The following AGBL1 variants were observed in gnomAD, a reference collection of about 807,000 sequenced individuals.
The protein encoded by AGBL1 is AGBL carboxypeptidase 1.
A neutral mutation model predicts 118.9 loss-of-function variants in AGBL1; 130 were observed. The ratio of observed to expected loss-of-function variants is 1.09; its 90% CI spans 0.95 to 1.26. AGBL1 has a LOEUF of 1.26. AGBL1 is among the 50% of genes most tolerant of loss of function. The pLI is 0.00. For missense variants in AGBL1, 1,584 were observed against 1,298.1 expected, an observed-to-expected ratio of 1.22 and a Z score of -3.38; for synonymous variants, 555 against 478.9, an observed-to-expected ratio of 1.16 and a Z score of -2.08.
At chr15:86,939,254 C>A (rs958629042) in intron 23 of AGBL1, among the ~76,000 whole-genome samples, 2 of 152,214 alleles carry the variant, frequency 1.3e-5, no homozygotes, top group Non-Finnish European at 2.9e-5. Flanking sequence ...GTCTAATCAG[C>A]TGCCAGCTCA....
At chr15:86,666,435 T>A (rs1432578604) in intron 21 of AGBL1, among the ~76,000 whole-genome samples, 1 of 152,226 alleles carries the variant, frequency 6.6e-6, no homozygotes, top group Non-Finnish European at 1.5e-5. Flanking sequence ...TTTCAGTTGA[T>A]GTCTTTAGTT....
chr15:86,803,522 A>T (rs1301704473), intron 22 of AGBL1, among the ~76,000 whole-genome samples: 1 of 152,168 alleles, frequency 6.6e-6, no homozygotes, highest in Non-Finnish European at 1.5e-5. Flanking sequence ...ATTAGTATTT[A>T]TCCTGCCTCG....
At chr15:86,553,241 G>T (rs1351323755) in intron 20 of AGBL1, among the ~76,000 whole-genome samples, 1 of 152,168 alleles carries the variant, frequency 6.6e-6, no homozygotes, top group Non-Finnish European at 1.5e-5. Context: ...TGTCATAAAA[G>T]TTCTGGGACT....
chr15:86,423,063 G>A (rs1357073625), intron 18 of AGBL1, among the ~76,000 whole-genome samples: 4 of 152,126 alleles, frequency 2.6e-5, no homozygotes, highest in South Asian at 2.1e-4. Context: ...TAGAAAAAGA[G>A]GGACTCCTCC....
intron 22 of AGBL1, among the ~76,000 whole-genome samples, chr15:86,881,647 T>G (rs1436124562): frequency 6.6e-6 from 1 of 152,146 alleles, no homozygotes; most frequent in Non-Finnish European, 1.5e-5. Context: ...ATTTATTTAT[T>G]TATTTAAGAT....
chr15:86,615,955 G>A lies in AGBL1; in HGVS notation c.2995-58318G>A, dbSNP rs955831061. Among the ~76,000 whole-genome samples, 1 of 152,142 alleles carries A rather than the reference G, an allele frequency of 6.6e-6. No homozygotes were observed. Among genetic ancestry groups the A allele is most frequent in the Admixed American group, 6.5e-5 (1 of 15,268 alleles). On this transcript the variant is annotated intron_variant, in intron 21 of 22. Transcript: ENST00000614907. This position sits in a 1 kb window ranked among gnomAD's most constrained non-coding sequence, Gnocchi z 4.3. The stretch of plus-strand genomic sequence containing the variant: ...ATAAAAAAAAAATACTCCCACGGAA[G>A]TGGAAGGTAAACCACAGAAGAAAAG...
At chr15:86,426,954 C>T (rs931001186) in intron 18 of AGBL1, among the ~76,000 whole-genome samples, 3 of 152,090 alleles carry the variant, frequency 2.0e-5, no homozygotes, top group Non-Finnish European at 4.4e-5. Context: ...TTAGTAGAGT[C>T]AGGGTTTTGC....
chr15:86,713,502 A>G (rs954910308), intron 22 of AGBL1, among the ~76,000 whole-genome samples: 2 of 152,202 alleles, frequency 1.3e-5, no homozygotes, highest in East Asian at 1.9e-4. Flanking sequence ...TAAGTATTAC[A>G]TTGGTATCCC....
intron 22 of AGBL1, among the ~76,000 whole-genome samples, chr15:86,811,501 T>C (rs1290410393): frequency 1.3e-5 from 2 of 152,170 alleles, no homozygotes; most frequent in Non-Finnish European, 2.9e-5. Context: ...TGGACAAATA[T>C]ATTCCCAATG....
At chr15:86,883,635 G>A (rs2079927566) in intron 22 of AGBL1, among the ~76,000 whole-genome samples, 1 of 152,054 alleles carries the variant, frequency 6.6e-6, no homozygotes, top group Non-Finnish European at 1.5e-5. Flanking sequence ...ATCTCGCCCC[G>A]ACTCCACTCC....
chr15:86,244,388 C>T (rs1250794246), intron 6 of AGBL1, among the ~76,000 whole-genome samples: 1 of 152,204 alleles, frequency 6.6e-6, no homozygotes, highest in African/African-American at 2.4e-5. Context: ...CAGTGACCCT[C>T]ATTTCATTCT....
intron 22 of AGBL1, among the ~76,000 whole-genome samples, chr15:86,689,544 G>A (rs952450108): frequency 2.0e-5 from 3 of 151,894 alleles, no homozygotes; most frequent in Non-Finnish European, 4.4e-5. Context: ...GAAGACTTAC[G>A]GGCTAAATAA....
At chr15:87,023,722 C>T (rs2081693900) in intron 24 of AGBL1, among the ~76,000 whole-genome samples, 1 of 151,898 alleles carries the variant, frequency 6.6e-6, no homozygotes, top group Non-Finnish European at 1.5e-5. Flanking sequence ...CAAGAAAGAC[C>T]ATATGATAGA....
In AGBL1 at chr15:86,751,121, A is replaced by G. The variant is rs181469688; in HGVS notation, c.3158+76685A>G. ...AACATAAATATGCATGTATCTTTATAATAGAATGACATATATTCAGTAATG... is the reference window on the plus strand; with the variant it reads ...AACATAAATATGCATGTATCTTTATGATAGAATGACATATATTCAGTAATG... On this transcript the variant is annotated intron_variant, in intron 22 of 22. Coordinates refer to ENST00000614907, the MANE Select transcript of AGBL1 (RefSeq NM_001386094.1). 1.8e-3 allele frequency among the ~76,000 whole-genome samples: 268 copies of G among 152,194 alleles called. 2 individuals carry two copies. The highest frequency in any genetic ancestry group is 6.0e-3 in the African/African-American group (248 of 41,550).
chr15:87,001,911 T>C (rs977322478), intron 24 of AGBL1, among the ~76,000 whole-genome samples: 8 of 152,114 alleles, frequency 5.3e-5, no homozygotes, highest in Non-Finnish European at 2.9e-5. Context: ...GCAAAAATTT[T>C]CTCCCATTCT....
intron 17 of AGBL1, among the ~76,000 whole-genome samples, chr15:86,392,530 C>T (rs1181992752): frequency 6.6e-6 from 1 of 152,122 alleles, no homozygotes; most frequent in Non-Finnish European, 1.5e-5. Flanking sequence ...ATCTACAGAA[C>T]CCTGCAGAGT....
chr15:86,571,131 C>T (rs1323147830), intron 21 of AGBL1, among the ~76,000 whole-genome samples: 1 of 152,098 alleles, frequency 6.6e-6, no homozygotes, highest in African/African-American at 2.4e-5. Flanking sequence ...TATGGTGGCA[C>T]CCTGAAGTTT....
chr15:86,658,783 G>T (rs1436266541), intron 21 of AGBL1, among the ~76,000 whole-genome samples: 1 of 152,134 alleles, frequency 6.6e-6, no homozygotes, highest in African/African-American at 2.4e-5. Context: ...CACTTGTTAG[G>T]CCATGTGTTT....
chr15:86,964,779 C>T (rs567088475), intron 23 of AGBL1, among the ~76,000 whole-genome samples: 1 of 152,024 alleles, frequency 6.6e-6, no homozygotes, highest in Non-Finnish European at 1.5e-5. Flanking sequence ...CTATCCCTCC[C>T]CTACCCCCCA....
Sources: gnomAD v4.1 joint callset for allele counts (sites outside exome capture counted in the v4.1 genomes callset) on GRCh38, gnomAD v4.1.1 for gene constraint, Gnocchi (gnomAD v3.1) non-coding constraint, MANE v1.5 for transcripts, NCBI Gene and HGNC (gene_info 2026-07-23, HGNC 2026-07-21) for gene names.